The following CEP63 variants were observed in gnomAD, a reference collection of about 807,000 sequenced individuals.
CEP63 encodes centrosomal protein 63, also known as centrosomal protein of 63 kDa.
Under a neutral mutation model 89.1 loss-of-function variants are expected in CEP63, and 84 were observed. The observed-to-expected ratio is 0.94, with a 90% CI of 0.79 to 1.13. CEP63 has a LOEUF of 1.13. Among genes scored for constraint, CEP63 ranks in the 50% most tolerant of loss-of-function variants. The pLI, the probability that CEP63 is intolerant of heterozygous loss-of-function variation, is 0.00. For missense variants in CEP63, 838 were observed against 813.3 expected (o/e 1.03, Z -0.37); for synonymous variants, 267 against 272.5 (o/e 0.98, Z 0.20).
At chr3:134,647,518 C>G in the CEP63 span, 3 of 1,543,434 alleles carry the variant, frequency 1.9e-6, no homozygotes, top group Admixed American at 3.4e-5. Flanking sequence ...ACAAGCTTCT[C>G]TGAGGTGGGA....
In CEP63 at chr3:134,550,234, G is replaced by T; in HGVS notation, c.1354G>T (p.Ala452Ser). 6.2e-7 allele frequency: 1 copy of T among 1,614,136 alleles called. No homozygotes were observed. The highest frequency in any genetic ancestry group is 8.5e-7 in the Non-Finnish European group (1 of 1,180,000). The change falls in exon 11 of 15, where the codon GCA (alanine) becomes TCA (serine). Residue 452 changes from alanine (A) to serine (S), a missense_variant. By Grantham distance (99) the Ala-to-Ser change is moderately conservative. Coordinates refer to ENST00000675561, the MANE Select transcript of CEP63 (RefSeq NM_001353108.3). Reference protein sequence around the residue: ...EKRLRAEMQKAEDKAVEHKEI... With the variant: ...EKRLRAEMQKSEDKAVEHKEI... ...GCGACTCAGAGCAGAGATGCAAAAG[G>T]CAGAAGACAAAGCAGTAGAGCATAA...
chr3:134,737,419 T>C, the CEP63 span, among the ~76,000 whole-genome samples: 2 of 152,108 alleles, frequency 1.3e-5, no homozygotes, highest in Admixed American at 6.5e-5. Context: ...CCAGATTATA[T>C]AAATAACCTC....
chr3:134,724,409 C>T, the CEP63 span, among the ~76,000 whole-genome samples: 1 of 152,218 alleles, frequency 6.6e-6, no homozygotes, highest in African/African-American at 2.4e-5. Flanking sequence ...GCATCACTCT[C>T]AAGGATAAGT....
At chr3:134,665,681 A>G in the CEP63 span, among the ~76,000 whole-genome samples, 1 of 136,998 alleles carries the variant, frequency 7.3e-6, no homozygotes, top group Non-Finnish European at 1.7e-5. Flanking sequence ...ACACACACAC[A>G]CACACACACA....
chr3:134,701,208 G>C, the CEP63 span, among the ~76,000 whole-genome samples: 1 of 2,554 alleles, frequency 3.9e-4, no homozygotes, highest in Non-Finnish European at 5.1e-3. Flanking sequence ...ACATATATAC[G>C]TATATATGTG....
the CEP63 span, among the ~76,000 whole-genome samples, chr3:134,667,924 C>G: frequency 6.6e-6 from 1 of 152,174 alleles, no homozygotes; most frequent in Non-Finnish European, 1.5e-5. Context: ...TCAGTTTGGT[C>G]AAGTTCAAAT....
the CEP63 span, among the ~76,000 whole-genome samples, chr3:134,593,149 C>T: frequency 2.8e-4 from 43 of 152,206 alleles, no homozygotes; most frequent in Non-Finnish European, 2.8e-4. Context: ...TGGGTGATTG[C>T]GTCTTGGATA....
chr3:134,492,152 C>T, intron 1 of CEP63, among the ~76,000 whole-genome samples: 1 of 143,008 alleles, frequency 7.0e-6, no homozygotes, highest in African/African-American at 2.6e-5. Flanking sequence ...TGACTCACTG[C>T]AAGCTCCGCC....
chr3:134,501,647 A>G (rs959305926), intron 2 of CEP63, among the ~76,000 whole-genome samples: 6 of 152,172 alleles, frequency 3.9e-5, no homozygotes, highest in African/African-American at 1.4e-4. Flanking sequence ...ATTGCTGTAT[A>G]GAAATGCTGC....
At chr3:134,717,283 A>C in the CEP63 span, among the ~76,000 whole-genome samples, 1 of 152,148 alleles carries the variant, frequency 6.6e-6, no homozygotes, top group Non-Finnish European at 1.5e-5. Flanking sequence ...AAACTCAGTT[A>C]GTTTTCAGTT....
chr3:134,657,614 T>G, the CEP63 span, among the ~76,000 whole-genome samples: 3 of 152,222 alleles, frequency 2.0e-5, no homozygotes, highest in Admixed American at 2.0e-4. Flanking sequence ...ATTGTCTACT[T>G]TTATAAATAA....
chr3:134,734,517 A>G, the CEP63 span, among the ~76,000 whole-genome samples: 1 of 152,224 alleles, frequency 6.6e-6, no homozygotes, highest in African/African-American at 2.4e-5. Flanking sequence ...AAACAATATT[A>G]TTAATTAAAA....
Position 134,550,003 on chromosome 3 carries a change from A to G in CEP63, c.1183-60A>G, listed in dbSNP as rs1399250743. 9.3e-6 allele frequency: 11 copies of G among 1,183,456 alleles called. No homozygotes were observed. In the Admixed American group the frequency reaches 1.2e-4, roughly 13 times the overall value. 73.3% of individuals were successfully genotyped at this position (1,183,456 alleles called of 1,614,324 possible). On this transcript the variant is annotated intron_variant, in intron 10 of 14. Transcript: ENST00000675561. ...CTTTTATTTTATTAGCTAGTAACAT[A>G]TTATTCTATCTAAATGCTTTCTCTT...
At chr3:134,552,048 A>C in intron 12 of CEP63, 36 bp downstream of exon 12, 1 of 1,101,674 alleles carries the variant, frequency 9.1e-7, no homozygotes, top group East Asian at 2.4e-5. Context: ...TCTACTATCC[A>C]AGCCTTCAAA....
chr3:134,605,706 C>G, the CEP63 span, among the ~76,000 whole-genome samples: 8 of 152,058 alleles, frequency 5.3e-5, no homozygotes, highest in Admixed American at 5.2e-4. Flanking sequence ...CCGGTCAGCT[C>G]TCTGGCACTG....
chr3:134,601,958 C>G, the CEP63 span, among the ~76,000 whole-genome samples: 1 of 152,234 alleles, frequency 6.6e-6, no homozygotes, highest in East Asian at 1.9e-4. Flanking sequence ...CCTTGGTTCA[C>G]CTCTGTAGCC....
chr3:134,770,972 C>T, the CEP63 span, among the ~76,000 whole-genome samples: 2 of 152,178 alleles, frequency 1.3e-5, no homozygotes, highest in African/African-American at 4.8e-5. Flanking sequence ...TCCTGATTCC[C>T]TTAGCAACCG....
At chr3:134,639,486 A>G in the CEP63 span, among the ~76,000 whole-genome samples, 1 of 152,140 alleles carries the variant, frequency 6.6e-6, no homozygotes, top group South Asian at 2.1e-4. Context: ...ACCATTCATG[A>G]TTCCTTCTAT....
chr3:134,528,555 T>G (rs904107237), intron 3 of CEP63, among the ~76,000 whole-genome samples: 2 of 126,514 alleles, frequency 1.6e-5, no homozygotes, highest in African/African-American at 5.9e-5. Context: ...TAAGGAGGGG[T>G]GTGTGTGTGT....
Sources: gnomAD v4.1 joint callset for allele counts (sites outside exome capture counted in the v4.1 genomes callset) on GRCh38, gnomAD v4.1.1 for gene constraint, MANE v1.5 for transcripts, NCBI Gene and HGNC (gene_info 2026-07-23, HGNC 2026-07-21) for gene names.